ANKRD36C: variants seen among roughly 807,000 people sequenced by gnomAD.
ANKRD36C encodes ankyrin repeat domain-containing protein 36C.
A neutral mutation model predicts 276.4 loss-of-function variants in ANKRD36C; 61 were observed. That is an observed-to-expected ratio of 0.22 (90% CI 0.18 to 0.27). The LOEUF is 0.27. Among genes scored for constraint, ANKRD36C ranks in the 10% least tolerant of loss-of-function variants. The pLI is 1.00. For missense variants in ANKRD36C, 1,447 were observed against 2,032.3 expected (o/e 0.71, Z 5.54); for synonymous variants, 483 against 680.1 (o/e 0.71, Z 4.51).
chr2:95,967,790 A>T (rs973679704), intron 6 of ANKRD36C, among the ~76,000 whole-genome samples: 4 of 151,396 alleles, frequency 2.6e-5, no homozygotes, highest in Admixed American at 1.3e-4. Flanking sequence ...ACTCTTTATT[A>T]AAAAAAAATC....
chr2:95,889,708 G>A, intron 48 of ANKRD36C, 91 bp downstream of exon 68: 1 of 1,467,246 alleles, frequency 6.8e-7, no homozygotes, highest in Non-Finnish European at 9.3e-7. Context: ...AGAACATGAA[G>A]ATTTGACGAA....
chr2:95,923,674 T>A lies in ANKRD36C; in HGVS notation c.2057A>T (p.Gln686Leu), dbSNP rs769091387. 12 of 1,610,708 alleles carry A rather than the reference T, an allele frequency of 7.5e-6. No homozygotes were observed. In the Admixed American group the frequency reaches 2.0e-4, roughly 27 times the overall value. ...GAGTTTAATTACCTTTGAGGGTGGT[T>A]GTTTCTGAGAAGACACTGAAAAGCA... The change falls in exon 31 of 67, where the codon CAA becomes CTA. Residue 686 changes from glutamine to leucine, a missense_variant. Around this residue, in one of 13 missense-constraint regions of ANKRD36C, gnomAD observed 565 missense variants for 539.5 expected, o/e 1.05. Transcript: ENST00000456556.
exon 63 of ANKRD36C, chr2:95,856,113 C>T: frequency 6.2e-7 from 1 of 1,607,874 alleles, no homozygotes; most frequent in Non-Finnish European, 8.5e-7. Flanking sequence ...CAGCCTGAGC[C>T]TGGCAATTTC....
chr2:95,851,591 T>G (rs1441483947), intron 66 of ANKRD36C, 103 bp downstream of exon 86: 20 of 1,011,164 alleles, frequency 2.0e-5, no homozygotes, highest in Middle Eastern at 3.1e-4. Context: ...CTGAAAAAAA[T>G]CTACTTTTGG....
chr2:95,903,043 G>C lies in ANKRD36C; in HGVS notation c.2654-3707C>G. On this transcript the variant is annotated intron_variant, in intron 42 of 66. Transcript: ENST00000456556. ...TTACTAGTTCACAATATAAATGACA[G>C]TTTCATTACCTTCAAGCCTGGTGGT... is the stretch of plus-strand genomic sequence containing the variant. 6.4e-7 allele frequency: 1 copy of C among 1,570,732 alleles called. No individual in the cohort carries two copies. The highest frequency in any genetic ancestry group is 8.6e-7 in the Non-Finnish European group (1 of 1,156,896).
In ANKRD36C at chr2:95,855,658, C is replaced by T. The variant is rs62156906; in HGVS notation, c.4603G>A (p.Gly1535Arg). Residue 1535 changes from glycine (G) to arginine (R), a missense_variant, in exon 63 of 67, where the codon GGA becomes AGA. Gly to Arg is a moderately radical substitution (Grantham distance 125, BLOSUM62 -2). Around this residue, in one of 13 missense-constraint regions of ANKRD36C, gnomAD observed 437 missense variants for 641.0 expected, o/e 0.68. Transcript: ENST00000456556. Reference sequence around the variant, plus strand: ...AAAGCCTTTTCTTTCAGAGCCTCTCCTGTGTAATGGAGCTCAGTTTCGAGG... The same window carrying T: ...AAAGCCTTTTCTTTCAGAGCCTCTCTTGTGTAATGGAGCTCAGTTTCGAGG... The T allele has an allele frequency of 3.7e-6, 6 of 1,611,348 alleles. No individual in the cohort carries two copies. The South Asian group carries it at 5.5e-5, about 15-fold the overall frequency.
chr2:95,988,142 AAAG>A (rs1359349931), intron 1 of ANKRD36C, among the ~76,000 whole-genome samples: 3 of 142,940 alleles, frequency 2.1e-5, no homozygotes, highest in Admixed American at 7.2e-5. Context: ...TACTGTGGAA[AAAG>A]AAGGCAAAAA....
At chr2:95,889,280 G>A (rs1309490544) in intron 48 of ANKRD36C, among the ~76,000 whole-genome samples, 1 of 151,462 alleles carries the variant, frequency 6.6e-6, no homozygotes, top group East Asian at 1.9e-4. Context: ...GGTTTCCTCA[G>A]CAGAAATCCC....
chr2:95,987,605 C>CTTTT lies in ANKRD36C; in HGVS notation c.198-403_198-400dup, dbSNP rs35536038. Reference sequence around the variant, plus strand: ...TTTTAGATATTACTACTTACAAAGACTTTTTTTTTTTTTTTTTTTTTTTTT... The same window carrying CTTTT: ...TTTTAGATATTACTACTTACAAAGACTTTTTTTTTTTTTTTTTTTTTTTTTTTTT... On this transcript the variant is annotated intron_variant, in intron 1 of 66. Transcript: ENST00000456556. Among the ~76,000 whole-genome samples the CTTTT allele has an allele frequency of 2.3e-4, 20 of 87,470 alleles. 1 individual carries two copies. Among genetic ancestry groups the CTTTT allele is most frequent in the East Asian group, 4.3e-4 (1 of 2,334 alleles). 57.4% of individuals were successfully genotyped at this position (87,470 alleles called of 152,430 possible).
intron 60 of ANKRD36C, among the ~76,000 whole-genome samples, chr2:95,864,556 A>C (rs545872599): frequency 5.3e-5 from 8 of 152,136 alleles, no homozygotes; most frequent in African/African-American, 1.9e-4. Context: ...ATTCTAGTTA[A>C]TGCAGTCAGG....
chr2:95,958,483 T>C lies in ANKRD36C; in HGVS notation c.1105+108A>G, dbSNP rs957117897. On this transcript the variant is annotated intron_variant, in intron 12 of 66. Transcript: ENST00000456556. ...TACAAATGCAGAATCTCAGGCCCGCTGAATCAGAATGCGCAGCTTCAATGA... is the reference window on the plus strand; with the variant it reads ...TACAAATGCAGAATCTCAGGCCCGCCGAATCAGAATGCGCAGCTTCAATGA... The C allele has an allele frequency of 1.1e-5, 15 of 1,401,716 alleles. No individual in the cohort carries two copies. In the African/African-American group the frequency reaches 1.6e-4, roughly 15 times the overall value. The allele number at this position is 1,401,716 out of a possible 1,614,324, so 86.8% of individuals were successfully genotyped here.
chr2:95,927,893 C>T (rs77552908), intron 26 of ANKRD36C, among the ~76,000 whole-genome samples: 3 of 151,734 alleles, frequency 2.0e-5, no homozygotes, highest in Non-Finnish European at 3.0e-5. Flanking sequence ...GTACACTTCA[C>T]GTCTCTTCAG....
intron 41 of ANKRD36C, 28 bp downstream of exon 43, chr2:95,912,379 C>G: frequency 3.1e-6 from 5 of 1,603,582 alleles, no homozygotes; most frequent in East Asian, 2.2e-5. Context: ...CGTTTACTAG[C>G]TCACAATATG....
chr2:95,947,298 A>G (rs933726145), intron 17 of ANKRD36C, among the ~76,000 whole-genome samples: 1 of 152,140 alleles, frequency 6.6e-6, no homozygotes, highest in African/African-American at 2.4e-5. Flanking sequence ...AACAAAAGAT[A>G]AATTCAGAAC....
chr2:95,896,817 C>T (rs1676564607), intron 44 of ANKRD36C, among the ~76,000 whole-genome samples: 1 of 149,954 alleles, frequency 6.7e-6, no homozygotes. Context: ...CACAATCCAT[C>T]TCCCTTAGGA....
At chr2:95,912,556 C>A in intron 40 of ANKRD36C, 121 bp from the exon 43 acceptor site, 1 of 1,552,086 alleles carries the variant, frequency 6.4e-7, no homozygotes, top group East Asian at 2.4e-5. Context: ...GCTTTGATGG[C>A]TTCTATTTTG....
intron 22 of ANKRD36C, among the ~76,000 whole-genome samples, chr2:95,937,649 G>A (rs1056323571): frequency 7.9e-5 from 12 of 152,308 alleles, no homozygotes; most frequent in African/African-American, 2.4e-4. Context: ...AGGAAGCCAA[G>A]GTACCAAATG....
chr2:95,970,008 A>G (rs558892164), intron 6 of ANKRD36C, among the ~76,000 whole-genome samples: 8 of 152,108 alleles, frequency 5.3e-5, no homozygotes, highest in Admixed American at 1.3e-4. Flanking sequence ...TCTATCCCCC[A>G]TGTGTAAGAG....
At chr2:95,870,188 C>T (rs1675773559) in intron 59 of ANKRD36C, among the ~76,000 whole-genome samples, 2 of 152,196 alleles carry the variant, frequency 1.3e-5, no homozygotes, top group Admixed American at 1.3e-4. Flanking sequence ...AGCTGGAGAT[C>T]TGAGAATGGG....
Sources: gnomAD v4.1 joint callset for allele counts (sites outside exome capture counted in the v4.1 genomes callset) on GRCh38, gnomAD v4.1.1 for gene constraint, gnomAD v4.1.1 regional missense constraint, MANE v1.5 for transcripts, NCBI Gene and HGNC (gene_info 2026-07-23, HGNC 2026-07-21) for gene names.